Variants in CCDC60 observed in about 807,000 individuals in gnomAD.
The protein encoded by CCDC60 is coiled-coil domain containing 60, also known as coiled-coil domain-containing protein 60.
A neutral mutation model predicts 63.5 loss-of-function variants in CCDC60; 54 were observed. That is an observed-to-expected ratio of 0.85 (90% CI 0.68 to 1.07). The LOEUF (loss-of-function observed/expected upper bound fraction) is 1.07, where lower values mean the gene tolerates loss of function less well. Among genes scored for constraint, CCDC60 ranks in the 50% least tolerant of loss-of-function variants. The pLI, the probability that CCDC60 is intolerant of heterozygous loss-of-function variation, is 0.00. For synonymous variants in CCDC60, 206 were observed against 238.8 expected, an observed-to-expected ratio of 0.86 and a Z score of 1.27; for missense variants, 651 against 684.3, an observed-to-expected ratio of 0.95 and a Z score of 0.54.
intron 1 of CCDC60, among the ~76,000 whole-genome samples, chr12:119,416,124 G>A (rs1168662601): frequency 1.3e-5 from 2 of 152,188 alleles, no homozygotes; most frequent in Admixed American, 6.5e-5. Context: ...GTTCACGCCT[G>A]TAATCCCAGC....
Position 119,410,733 on chromosome 12 carries a change from A to G in CCDC60, c.91-17950A>G, listed in dbSNP as rs1956581924. Among the ~76,000 whole-genome samples the G allele has an allele frequency of 6.6e-6, 1 of 152,192 alleles. No homozygotes were observed. The highest frequency in any genetic ancestry group is 1.5e-5 in the Non-Finnish European group (1 of 68,034). On this transcript the variant is annotated intron_variant, in intron 1 of 13. Coordinates refer to ENST00000327554, the MANE Select transcript of CCDC60 (RefSeq NM_178499.5). This position sits in a 1 kb window ranked among gnomAD's most constrained non-coding sequence, Gnocchi z 4.0. ...TATCCCCATAACAAAAGACGTATTAATGAAAGAAAAGCATAACAATTTTTT... is the reference window on the plus strand; with the variant it reads ...TATCCCCATAACAAAAGACGTATTAGTGAAAGAAAAGCATAACAATTTTTT...
intron 1 of CCDC60, among the ~76,000 whole-genome samples, chr12:119,393,936 G>A (rs1956205374): frequency 6.6e-6 from 1 of 152,150 alleles, no homozygotes; most frequent in Admixed American, 6.5e-5. Flanking sequence ...GCCATGTTTG[G>A]TGTTGTAAAA....
chr12:119,485,926 T>C (rs1295317355), intron 4 of CCDC60, among the ~76,000 whole-genome samples: 1 of 152,152 alleles, frequency 6.6e-6, no homozygotes, highest in Admixed American at 6.6e-5. Flanking sequence ...CTCCACCACC[T>C]TGTGACCAAG....
At chr12:119,397,277 T>G (rs1304979330) in intron 1 of CCDC60, among the ~76,000 whole-genome samples, 1 of 152,180 alleles carries the variant, frequency 6.6e-6, no homozygotes, top group Non-Finnish European at 1.5e-5. Flanking sequence ...CCTGAGCCGG[T>G]TGCCTCTACT....
At chr12:119,435,323 A>G (rs182779219) in intron 2 of CCDC60, among the ~76,000 whole-genome samples, 38 of 152,280 alleles carry the variant, frequency 2.5e-4, no homozygotes, top group Admixed American at 2.2e-3. Flanking sequence ...GGGAAAGTGA[A>G]TAAGTGAGGG....
At chr12:119,412,406 C>T (rs1229365393) in intron 1 of CCDC60, among the ~76,000 whole-genome samples, 1 of 152,134 alleles carries the variant, frequency 6.6e-6, no homozygotes, top group African/African-American at 2.4e-5. Flanking sequence ...GGATGGAAGC[C>T]ACTTGGGGGC....
intron 2 of CCDC60, among the ~76,000 whole-genome samples, chr12:119,469,402 A>G (rs1335481917): frequency 6.6e-6 from 1 of 152,036 alleles, no homozygotes; most frequent in African/African-American, 2.4e-5. Flanking sequence ...CTGGGATTAG[A>G]GGCACCCGCC....
At chr12:119,479,349 A>G in intron 4 of CCDC60, 148 bp downstream of exon 4, 1 of 604,448 alleles carries the variant, frequency 1.7e-6, no homozygotes, top group Non-Finnish European at 2.9e-6. Context: ...GCTATTTGGC[A>G]TATAAAAATA....
Position 119,464,394 on chromosome 12 carries a change from C to T in CCDC60, c.171-7600C>T, listed in dbSNP as rs538722490. ...TCCCTTCCTTCCTCCTTCCTTCCCT[C>T]CCCTTTCCTCTTCCTCCCTCCCTCC... On this transcript the variant is annotated intron_variant, in intron 2 of 13. Coordinates refer to ENST00000327554, the MANE Select transcript of CCDC60 (RefSeq NM_178499.5). Among the ~76,000 whole-genome samples, 3 of 149,798 alleles carry T rather than the reference C, an allele frequency of 2.0e-5. No homozygotes were observed. The East Asian group carries it at 6.0e-4, about 30-fold the overall frequency.
chr12:119,532,430 T>TATC (rs1555257657), intron 13 of CCDC60, among the ~76,000 whole-genome samples: 152 of 147,652 alleles, frequency 1.0e-3, no homozygotes, highest in African/African-American at 3.4e-3. Context: ...TTATTATTAT[T>TATC]ATCATTATAC....
intron 4 of CCDC60, among the ~76,000 whole-genome samples, chr12:119,484,042 C>T (rs993926709): frequency 6.6e-6 from 1 of 151,776 alleles, no homozygotes; most frequent in Admixed American, 6.6e-5. Flanking sequence ...TCAGATGAAA[C>T]CCTATTCTGA....
At chr12:119,504,783 A>T (rs1259453956) in intron 6 of CCDC60, among the ~76,000 whole-genome samples, 1 of 152,240 alleles carries the variant, frequency 6.6e-6, no homozygotes, top group African/African-American at 2.4e-5. Flanking sequence ...TTGGCTTCCT[A>T]TGGTGACTTC....
chr12:119,449,865 A>G lies in CCDC60; in HGVS notation c.170+21103A>G, dbSNP rs141063286. ...TAAGGCTCATACCTAATCAAGTTCT[A>G]AAGGATGAGTTGGGAAGAACTAAAA... On this transcript the variant is annotated intron_variant, in intron 2 of 13. Coordinates refer to ENST00000327554, the MANE Select transcript of CCDC60 (RefSeq NM_178499.5). Among the ~76,000 whole-genome samples the G allele has an allele frequency of 3.2e-4, 48 of 152,342 alleles. 1 individual carries two copies. In the East Asian group the frequency reaches 9.1e-3, roughly 29 times the overall value.
intron 4 of CCDC60, among the ~76,000 whole-genome samples, chr12:119,486,373 CA>C (rs902471431): frequency 1.3e-5 from 2 of 150,422 alleles, no homozygotes; most frequent in African/African-American, 4.9e-5. Flanking sequence ...CCCATCTCTA[CA>C]AAAAAAAATA....
At chr12:119,356,742 A>T (rs1436444296) in intron 1 of CCDC60, among the ~76,000 whole-genome samples, 1 of 152,224 alleles carries the variant, frequency 6.6e-6, no homozygotes, top group African/African-American at 2.4e-5. Flanking sequence ...TCAGGTTTGC[A>T]ACAAAGGCCT....
At chr12:119,479,867 A>G (rs1364312457) in intron 4 of CCDC60, 1 of 152,114 alleles carries the variant, frequency 6.6e-6, no homozygotes, top group African/African-American at 2.4e-5. Flanking sequence ...TGTCCTGTGT[A>G]TTGTAGGATG....
At chr12:119,398,574 C>A (rs925441758) in intron 1 of CCDC60, among the ~76,000 whole-genome samples, 1 of 152,224 alleles carries the variant, frequency 6.6e-6, no homozygotes, top group Non-Finnish European at 1.5e-5. Flanking sequence ...GCTGCTAGCA[C>A]CTTTGTCACC....
At chr12:119,522,512 G>T (rs993633090) in intron 9 of CCDC60, among the ~76,000 whole-genome samples, 6 of 152,218 alleles carry the variant, frequency 3.9e-5, no homozygotes, top group African/African-American at 1.2e-4. Flanking sequence ...CTGGTCCAGT[G>T]TTAAGTGTTG....
chr12:119,466,132 C>G (rs1950949921), intron 2 of CCDC60, among the ~76,000 whole-genome samples: 1 of 152,180 alleles, frequency 6.6e-6, no homozygotes, highest in East Asian at 1.9e-4. Context: ...CATCTTTCTG[C>G]AAACATCACC....
Sources: allele counts gnomAD v4.1 joint callset (sites outside exome capture counted in the v4.1 genomes callset), GRCh38; gene constraint gnomAD v4.1.1; non-coding constraint Gnocchi (gnomAD v3.1); transcripts MANE v1.5; gene names NCBI Gene and HGNC (gene_info 2026-07-23, HGNC 2026-07-21).